ASB4: variants seen among roughly 807,000 people sequenced by gnomAD.
The protein encoded by ASB4 is ankyrin repeat and SOCS box protein 4.
ASB4 carries 35 observed loss-of-function variants against 38.6 expected under a neutral mutation model. The ratio of observed to expected loss-of-function variants is 0.91; its 90% CI spans 0.69 to 1.20. The LOEUF is 1.20. Ranked by LOEUF, ASB4 falls within the 50% of genes most tolerant of loss-of-function variation. The pLI is 0.00. For synonymous variants in ASB4, 195 were observed against 201.3 expected, an observed-to-expected ratio of 0.97 and a Z score of 0.26; for missense variants, 557 against 527.2, an observed-to-expected ratio of 1.06 and a Z score of -0.55.
chr7:95,476,097 A>C (rs1301111240), upstream of ASB4, among the ~76,000 whole-genome samples: 2 of 152,194 alleles, frequency 1.3e-5, no homozygotes, highest in Non-Finnish European at 2.9e-5. Context: ...GGCACAGTAG[A>C]TTCTGGTCTG....
rs775712844 is a variant in ASB4 at position 95,539,062 on chromosome 7, C to T, written c.*1303C>T. On this transcript the variant is annotated 3_prime_UTR_variant, in exon 5 of 5. Coordinates refer to ENST00000325885, the MANE Select transcript of ASB4 (RefSeq NM_016116.3). ...CTTGTGGTTTATGAGGTCAATTTTGCTTCACTTTTTTTTTTGTTCTTGCTA... is the reference window on the plus strand; with the variant it reads ...CTTGTGGTTTATGAGGTCAATTTTGTTTCACTTTTTTTTTTGTTCTTGCTA... 10 of 126,698 alleles carry T rather than the reference C, an allele frequency of 7.9e-5. No homozygotes were observed. Among genetic ancestry groups the T allele is most frequent in the Non-Finnish European group, 1.6e-4 (10 of 62,540 alleles). The allele number at this position is 126,698 out of a possible 1,614,324, so 7.8% of individuals were successfully genotyped here.
chr7:95,500,947 TACTC>T, intron 2 of ASB4, among the ~76,000 whole-genome samples: 1 of 152,290 alleles, frequency 6.6e-6, no homozygotes, highest in South Asian at 2.1e-4. Context: ...ATTTGGAGCT[TACTC>T]ACATTTTCTA....
In ASB4 at chr7:95,528,033, C is replaced by T; in HGVS notation, c.708C>T (p.Arg236=). 1 of 1,614,154 alleles carries T rather than the reference C, an allele frequency of 6.2e-7. No individual in the cohort carries two copies. The highest frequency in any genetic ancestry group is 1.3e-5 in the African/African-American group (1 of 75,050). The part of the protein sequence containing the change: ...EYSTEHHLVC[R]MLLDYKAEVN... Reference sequence around the variant, plus strand: ...GCACGGAGCACCACCTGGTCTGCCGCATGCTGCTTGACTACAAAGCCGAAG... The same window carrying T: ...GCACGGAGCACCACCTGGTCTGCCGTATGCTGCTTGACTACAAAGCCGAAG... The change falls in exon 3 of 5, where the codon CGC becomes CGT. Residue 236 remains arginine, a synonymous_variant. Coordinates refer to ENST00000325885, the MANE Select transcript of ASB4 (RefSeq NM_016116.3).
At chr7:95,541,789 G>C (rs1249409437), downstream of ASB4, among the ~76,000 whole-genome samples, 1 of 152,186 alleles carries the variant, frequency 6.6e-6, no homozygotes, top group Non-Finnish European at 1.5e-5. Context: ...AGGAGGAGAT[G>C]AATTTTGTAG....
the ASB4 span, among the ~76,000 whole-genome samples, chr7:95,549,301 A>ATTTTTT: frequency 2.6e-5 from 3 of 114,850 alleles, no homozygotes; most frequent in Non-Finnish European, 5.1e-5. Context: ...AGGAGACTCC[A>ATTTTTT]TTTTTTTTTT....
intron 2 of ASB4, among the ~76,000 whole-genome samples, chr7:95,526,068 G>C (rs563891159): frequency 8.5e-5 from 13 of 152,222 alleles, no homozygotes; most frequent in African/African-American, 3.1e-4. Flanking sequence ...TATCTTTCTA[G>C]TACTTTCTGG....
At chr7:95,521,947 C>T (rs1318693913) in intron 2 of ASB4, among the ~76,000 whole-genome samples, 3 of 151,854 alleles carry the variant, frequency 2.0e-5, no homozygotes, top group African/African-American at 4.8e-5. Context: ...CTGTAAAACT[C>T]GTAGGACAGA....
intron 2 of ASB4, among the ~76,000 whole-genome samples, chr7:95,522,177 A>G (rs1411253707): frequency 1.3e-5 from 2 of 152,170 alleles, no homozygotes; most frequent in Non-Finnish European, 2.9e-5. Context: ...TTTTTAAATA[A>G]CTATAGCATT....
chr7:95,509,077 C>A (rs1170717487), intron 2 of ASB4, among the ~76,000 whole-genome samples: 1 of 152,030 alleles, frequency 6.6e-6, no homozygotes, highest in Non-Finnish European at 1.5e-5. Context: ...GTGGGTCATT[C>A]ATGTGGTATT....
intron 2 of ASB4, among the ~76,000 whole-genome samples, chr7:95,504,895 A>T (rs1790386700): frequency 6.6e-6 from 1 of 152,148 alleles, no homozygotes; most frequent in Non-Finnish European, 1.5e-5. Context: ...TGCAGTCCCT[A>T]TCTCACACCT....
intron 2 of ASB4, among the ~76,000 whole-genome samples, chr7:95,522,639 C>G (rs1337398955): frequency 1.3e-5 from 2 of 152,098 alleles, no homozygotes; most frequent in African/African-American, 4.8e-5. Context: ...TGTGTTGGTC[C>G]TCCCGTTTAG....
chr7:95,524,856 G>A (rs1368605892), intron 2 of ASB4, among the ~76,000 whole-genome samples: 1 of 152,232 alleles, frequency 6.6e-6, no homozygotes, highest in Non-Finnish European at 1.5e-5. Flanking sequence ...CCTGCCGTTT[G>A]CAGTGGGGAG....
the ASB4 span, among the ~76,000 whole-genome samples, chr7:95,472,574 G>A: frequency 1.3e-5 from 2 of 152,134 alleles, no homozygotes; most frequent in Non-Finnish European, 2.9e-5. Flanking sequence ...TTACTGCAAT[G>A]TAATACTTTT....
chr7:95,551,171 C>T, the ASB4 span, among the ~76,000 whole-genome samples: 10 of 152,066 alleles, frequency 6.6e-5, no homozygotes, highest in African/African-American at 1.9e-4. Flanking sequence ...AGTAGACACA[C>T]GGTTTTGCCT....
At chr7:95,517,141 T>C (rs548508563) in intron 2 of ASB4, among the ~76,000 whole-genome samples, 1 of 152,342 alleles carries the variant, frequency 6.6e-6, no homozygotes, top group Admixed American at 6.5e-5. Flanking sequence ...TATTTGGCTT[T>C]TTCTATTGAG....
At chr7:95,549,389 C>T in the ASB4 span, among the ~76,000 whole-genome samples, 1 of 147,118 alleles carries the variant, frequency 6.8e-6, no homozygotes, top group African/African-American at 2.5e-5. Flanking sequence ...CTCCGCCTCC[C>T]GGGTTCACCC....
At chr7:95,515,167 CTCTT>C (rs71127411) in intron 2 of ASB4, among the ~76,000 whole-genome samples, 10,355 of 88,698 alleles carry the variant, frequency 0.12, 631 homozygotes, top group East Asian at 0.15. Context: ...CTTTCTCTTT[CTCTT>C]TCTTTCTTTC....
At chr7:95,531,743 T>G (rs1790822366) in intron 3 of ASB4, among the ~76,000 whole-genome samples, 2 of 152,146 alleles carry the variant, frequency 1.3e-5, no homozygotes, top group African/African-American at 4.8e-5. Context: ...TGGAATCTAG[T>G]AGTGGCATTC....
In ASB4 at chr7:95,505,694, C is replaced by G. The variant is rs138884506; in HGVS notation, c.487+9637C>G. ...CTTTTCCTCTATCCGTGTCCCCCCC[C>G]CCCCAAATACTTATTCATTCCCTGT... On this transcript the variant is annotated intron_variant, in intron 2 of 4. Coordinates refer to ENST00000325885, the MANE Select transcript of ASB4 (RefSeq NM_016116.3). Among the ~76,000 whole-genome samples the G allele has an allele frequency of 6.3e-5, 9 of 143,788 alleles. No homozygotes were observed. The East Asian group carries it at 1.4e-3, about 22-fold the overall frequency. The allele number at this position is 143,788 out of a possible 152,430, so 94.3% of individuals were successfully genotyped here. A position where few individuals can be genotyped will look rare whatever the true frequency, so the allele number is the denominator to read the frequency against.
Sources: gnomAD v4.1 joint callset for allele counts (sites outside exome capture counted in the v4.1 genomes callset) on GRCh38, gnomAD v4.1.1 for gene constraint, MANE v1.5 for transcripts, NCBI Gene and HGNC (gene_info 2026-07-23, HGNC 2026-07-21) for gene names.